Variants in OSBPL9 observed in about 807,000 individuals in gnomAD.
OSBPL9 encodes oxysterol binding protein like 9.
OSBPL9 carries 40 observed loss-of-function variants against 106.6 expected under a neutral mutation model. That is an observed-to-expected ratio of 0.38 (90% CI 0.29 to 0.49). The LOEUF is 0.49. OSBPL9 is among the 20% of genes least tolerant of loss of function. The pLI, the probability that OSBPL9 is intolerant of heterozygous loss-of-function variation, is 0.97. For missense variants in OSBPL9, 609 were observed against 887.2 expected, an observed-to-expected ratio of 0.69 and a Z score of 3.98; for synonymous variants, 269 against 295.4, an observed-to-expected ratio of 0.91 and a Z score of 0.92.
intron 4 of OSBPL9, among the ~76,000 whole-genome samples, chr1:51,716,659 GA>G (rs771348344): frequency 2.0e-5 from 3 of 152,114 alleles, no homozygotes; most frequent in African/African-American, 2.4e-5. Context: ...AGGAATGAAT[GA>G]ACAAATGGTT....
intron 9 of OSBPL9, 169 bp from the exon 10 acceptor site, chr1:51,760,521 A>G (rs1353879391): frequency 2.3e-6 from 2 of 878,314 alleles, no homozygotes; most frequent in Non-Finnish European, 3.3e-6. Flanking sequence ...GCTTTAAGCA[A>G]CTCTTACACT....
Position 51,773,254 on chromosome 1 carries a change from C to A in OSBPL9, c.1170+531C>A, listed in dbSNP as rs141304667. Among the ~76,000 whole-genome samples the A allele has an allele frequency of 3.9e-5, 6 of 152,266 alleles. No homozygotes were observed. In the East Asian group the frequency reaches 5.8e-4, roughly 15 times the overall value. On this transcript the variant is annotated intron_variant, in intron 14 of 23. Transcript: ENST00000428468. ...GCACGCAAAATGACACATATTGAGT[C>A]ATGCAAAATTACCATAGTCTGGATT...
At chr1:51,713,952 A>C in intron 3 of OSBPL9, 51 bp from the exon 4 acceptor site, 1 of 1,353,018 alleles carries the variant, frequency 7.4e-7, no homozygotes, top group Non-Finnish European at 1.0e-6. Context: ...AAATATGGAG[A>C]TATATTATAG....
chr1:51,731,264 T>G (rs1374499084), intron 4 of OSBPL9, among the ~76,000 whole-genome samples: 1 of 151,320 alleles, frequency 6.6e-6, no homozygotes, highest in Non-Finnish European at 1.5e-5. Context: ...AGCCAGAACC[T>G]TCCCCCCGCC....
At chr1:51,750,072 A>G (rs1035594323) in intron 7 of OSBPL9, 73 bp from the exon 8 acceptor site, 19 of 1,098,512 alleles carry the variant, frequency 1.7e-5, no homozygotes, top group East Asian at 1.2e-4. Context: ...ACTGATTTTT[A>G]TATTTTAAGC....
chr1:51,724,782 A>G, intron 4 of OSBPL9: 1 of 200,846 alleles, frequency 5.0e-6, no homozygotes. Flanking sequence ...CTCAGGTGTG[A>G]CTCCAGAAAG....
At chr1:51,659,520 TAGAA>T (rs779819753) in intron 2 of OSBPL9, among the ~76,000 whole-genome samples, 9 of 150,726 alleles carry the variant, frequency 6.0e-5, no homozygotes, top group South Asian at 4.2e-4. Context: ...GCAAAGGAAA[TAGAA>T]AGAAGAAAAT....
intron 14 of OSBPL9, among the ~76,000 whole-genome samples, chr1:51,774,470 C>G (rs1040042161): frequency 2.0e-5 from 3 of 152,108 alleles, no homozygotes; most frequent in African/African-American, 7.2e-5. Flanking sequence ...ACAATAATGC[C>G]TTAAATTTGT....
chr1:51,612,962 C>T (rs1643998630), upstream of OSBPL9, among the ~76,000 whole-genome samples: 3 of 152,084 alleles, frequency 2.0e-5, no homozygotes, highest in Admixed American at 2.0e-4. Flanking sequence ...TTCTAGTGTC[C>T]TCATATTTAA....
intron 21 of OSBPL9, chr1:51,786,229 CTG>C (rs1435937105): frequency 1.1e-5 from 5 of 445,164 alleles, no homozygotes; most frequent in Admixed American, 4.1e-5. Flanking sequence ...AAGCACTAAA[CTG>C]TGTGTTTCCA....
intron 9 of OSBPL9, chr1:51,756,879 T>A (rs1177238727): frequency 6.6e-6 from 1 of 152,216 alleles, no homozygotes; most frequent in East Asian, 1.9e-4. Context: ...AACCATCTTC[T>A]CACTCTTTCC....
chr1:51,711,485 G>C (rs1264927957), intron 3 of OSBPL9, among the ~76,000 whole-genome samples: 1 of 113,620 alleles, frequency 8.8e-6, no homozygotes, highest in Non-Finnish European at 2.1e-5. Flanking sequence ...CCTCCCTCCC[G>C]GACGGGGCGG....
chr1:51,737,486 A>C (rs1240820999), intron 4 of OSBPL9, among the ~76,000 whole-genome samples: 2 of 151,346 alleles, frequency 1.3e-5, no homozygotes, highest in Non-Finnish European at 2.9e-5. Context: ...CCTCAGTCCC[A>C]TTCCCTAGGG....
At chr1:51,545,747 C>T in the OSBPL9 span, among the ~76,000 whole-genome samples, 1 of 152,102 alleles carries the variant, frequency 6.6e-6, no homozygotes, top group African/African-American at 2.4e-5. Flanking sequence ...TGTATTCCAG[C>T]TACACACAAA....
At chr1:51,777,742 T>C (rs1675400169) in intron 15 of OSBPL9, among the ~76,000 whole-genome samples, 1 of 152,138 alleles carries the variant, frequency 6.6e-6, no homozygotes, top group Admixed American at 6.5e-5. Context: ...GAAGTAAAAT[T>C]TAAGCATTTA....
intron 2 of OSBPL9, among the ~76,000 whole-genome samples, chr1:51,660,223 A>G (rs964907166): frequency 3.3e-5 from 5 of 152,192 alleles, no homozygotes; most frequent in Admixed American, 6.5e-5. Flanking sequence ...AAACTTAGAA[A>G]AAAAGCATAG....
intron 15 of OSBPL9, among the ~76,000 whole-genome samples, chr1:51,780,486 G>A (rs181186937): frequency 3.4e-4 from 51 of 152,216 alleles, no homozygotes; most frequent in African/African-American, 1.2e-3. Flanking sequence ...CAATCAACAA[G>A]CAAATAAAGA....
chr1:51,721,411 C>A (rs1571319603), intron 4 of OSBPL9, among the ~76,000 whole-genome samples: 1 of 152,058 alleles, frequency 6.6e-6, no homozygotes, highest in East Asian at 1.9e-4. Flanking sequence ...CATTGTAAAA[C>A]CTTTTTTTTT....
intron 22 of OSBPL9, 120 bp downstream of exon 22, chr1:51,786,737 A>C: frequency 1.4e-6 from 1 of 713,096 alleles, no homozygotes; most frequent in Non-Finnish European, 2.3e-6. Context: ...CCAAGTTTGA[A>C]TTCCTGGGTT....
Sources: allele counts gnomAD v4.1 joint callset (sites outside exome capture counted in the v4.1 genomes callset), GRCh38; gene constraint gnomAD v4.1.1; transcripts MANE v1.5; gene names NCBI Gene and HGNC (gene_info 2026-07-23, HGNC 2026-07-21).